NUP210L: variants seen among roughly 807,000 people sequenced by gnomAD.
The protein encoded by NUP210L is nucleoporin 210 like.
NUP210L carries 74 observed loss-of-function variants against 208.5 expected under a neutral mutation model. The ratio of observed to expected loss-of-function variants is 0.35; its 90% CI spans 0.29 to 0.43. The LOEUF (loss-of-function observed/expected upper bound fraction) is 0.43. Ranked by LOEUF, NUP210L falls within the 20% of genes least tolerant of loss-of-function variation. The probability of loss-of-function intolerance (pLI) is 1.00; values close to 1 mark genes in which losing one functional copy is unlikely to be tolerated. For synonymous variants in NUP210L, 780 were observed against 816.9 expected (o/e 0.95, Z 0.77); for missense variants, 1,843 against 2,289.4 (o/e 0.81, Z 3.98).
rs1571321343 is a variant in NUP210L, at chr1:154,140,023, C to T, written c.567-71G>A. On this transcript the variant is annotated intron_variant, in intron 4 of 39. Coordinates refer to ENST00000368559, the Ensembl canonical transcript of NUP210L. The stretch of plus-strand genomic sequence containing the variant: ...GGTTCTTCCAAAAGTCCCTAAGAGA[C>T]TTTAAACATAGTTTCTTCAATGTCT... 1.1e-5 allele frequency: 13 copies of T among 1,206,540 alleles called. No individual in the cohort carries two copies. In the East Asian group the frequency reaches 2.8e-4, roughly 26 times the overall value. The allele number at this position is 1,206,540 out of a possible 1,614,324, so 74.7% of individuals were successfully genotyped here.
intron 32 of NUP210L, among the ~76,000 whole-genome samples, chr1:154,020,258 T>G (rs12048137): frequency 0.28 from 41,855 of 152,196 alleles, 6,035 homozygotes; most frequent in Admixed American, 0.38. Context: ...CTACAAGCAG[T>G]TCTTACTTGG....
chr1:154,052,317 G>A (rs988745078), intron 25 of NUP210L, among the ~76,000 whole-genome samples: 4 of 152,188 alleles, frequency 2.6e-5, no homozygotes, highest in Non-Finnish European at 4.4e-5. Flanking sequence ...GCCAGATGCT[G>A]AAGAAGAGAT....
chr1:154,087,273 T>C (rs992500686), intron 16 of NUP210L, among the ~76,000 whole-genome samples: 2 of 147,782 alleles, frequency 1.4e-5, no homozygotes, highest in African/African-American at 5.1e-5. Context: ...TGAGCTGAGA[T>C]TGCACCACTT....
At chr1:154,062,607 G>T (rs1654202056) in intron 17 of NUP210L, among the ~76,000 whole-genome samples, 1 of 94,880 alleles carries the variant, frequency 1.1e-5, no homozygotes. Flanking sequence ...GTGTGTGTGT[G>T]TGACAGGGTC....
chr1:153,997,269 T>G (rs1649943625), intron 37 of NUP210L, among the ~76,000 whole-genome samples: 1 of 151,734 alleles, frequency 6.6e-6, no homozygotes, highest in East Asian at 1.9e-4. Flanking sequence ...GGCCTTTTTT[T>G]TTTTTTTAAC....
intron 35 of NUP210L, 100 bp downstream of exon 35, chr1:154,009,872 C>A: frequency 3.3e-6 from 3 of 903,732 alleles, no homozygotes; most frequent in Non-Finnish European, 4.8e-6. Context: ...AGTTATATAT[C>A]AGATGAAACT....
chr1:154,012,410 A>G (rs1317369222), intron 33 of NUP210L, 40 bp from the exon 34 acceptor site: 1 of 1,598,616 alleles, frequency 6.3e-7, no homozygotes, highest in South Asian at 1.1e-5. Flanking sequence ...CTAAGTTCCT[A>G]GAGAATCTGA....
chr1:154,075,249 T>C (rs1216824647), intron 16 of NUP210L, among the ~76,000 whole-genome samples: 1 of 152,180 alleles, frequency 6.6e-6, no homozygotes, highest in African/African-American at 2.4e-5. Flanking sequence ...TAAAAAAGTA[T>C]GAGTTGTACA....
intron 27 of NUP210L, among the ~76,000 whole-genome samples, chr1:154,042,263 C>T (rs1489957005): frequency 6.6e-6 from 1 of 152,068 alleles, no homozygotes; most frequent in African/African-American, 2.4e-5. Context: ...CTATGCCTGG[C>T]TAATCTCATG....
At chr1:154,022,085 A>G in intron 32 of NUP210L, 41 bp downstream of exon 32, 1 of 1,491,362 alleles carries the variant, frequency 6.7e-7, no homozygotes, top group South Asian at 1.1e-5. Flanking sequence ...TAATCCCCAC[A>G]ACTATCAATT....
chr1:154,078,079 C>A (rs370907943), intron 16 of NUP210L, among the ~76,000 whole-genome samples: 9 of 150,308 alleles, frequency 6.0e-5, no homozygotes, highest in African/African-American at 2.0e-4. Context: ...TCGAGGTGGG[C>A]GGATCGCTTG....
At chr1:154,027,097 C>CAAAAAAAAAAAAA (rs770084247) in intron 29 of NUP210L, among the ~76,000 whole-genome samples, 1 of 108,880 alleles carries the variant, frequency 9.2e-6, no homozygotes, top group South Asian at 2.7e-4. Flanking sequence ...AAAAAAAAAA[C>CAAAAAAAAAAAAA]AAAAAAAAAA....
At chr1:154,011,227 T>C (rs1173209892) in intron 34 of NUP210L, among the ~76,000 whole-genome samples, 3 of 150,964 alleles carry the variant, frequency 2.0e-5, no homozygotes, top group Non-Finnish European at 4.4e-5. Flanking sequence ...GGCTAGATTT[T>C]TTTTTTTTTT....
intron 27 of NUP210L, among the ~76,000 whole-genome samples, chr1:154,044,052 A>C (rs1274955248): frequency 6.6e-6 from 1 of 152,212 alleles, no homozygotes; most frequent in African/African-American, 2.4e-5. Flanking sequence ...GAAAGGGAGA[A>C]GTAGAATAGA....
intron 2 of NUP210L, among the ~76,000 whole-genome samples, chr1:154,149,739 A>T (rs1659292908): frequency 6.6e-6 from 1 of 152,172 alleles, no homozygotes; most frequent in Non-Finnish European, 1.5e-5. Flanking sequence ...AAATAAATGA[A>T]ATTATTTTGG....
chr1:154,138,087 A>G lies in NUP210L; in HGVS notation c.850+19T>C. ...ATTTGGGAAATGTGAGTCATAGGAGAAAAAATAAATCACCTTACCTGTCAC... is the reference window on the plus strand; with the variant it reads ...ATTTGGGAAATGTGAGTCATAGGAGGAAAAATAAATCACCTTACCTGTCAC... On this transcript the variant is annotated intron_variant, in intron 6 of 39. Transcript: ENST00000368559. 1.4e-6 allele frequency: 2 copies of G among 1,461,130 alleles called. No homozygotes were observed. The highest frequency in any genetic ancestry group is 1.8e-6 in the Non-Finnish European group (2 of 1,108,588). The allele number at this position is 1,461,130 out of a possible 1,614,324, so 90.5% of individuals were successfully genotyped here.
rs547737799 is a variant in NUP210L at position 154,059,493 on chromosome 1, C to G, written c.2851-800G>C. On this transcript the variant is annotated intron_variant, in intron 20 of 39. Transcript: ENST00000368559. ...TGAGCAACAGAGTGAGACCCTATTT[C>G]TACTGAACAAAACGAAACAAAAACA... Among the ~76,000 whole-genome samples the G allele has an allele frequency of 2.0e-5, 3 of 152,226 alleles. No homozygotes were observed. In the South Asian group the frequency reaches 6.2e-4, roughly 32 times the overall value.
chr1:154,137,500 G>A (rs1013186084), intron 6 of NUP210L, among the ~76,000 whole-genome samples: 20 of 151,206 alleles, frequency 1.3e-4, no homozygotes, highest in Admixed American at 8.6e-4. Flanking sequence ...GCAGTGAGCC[G>A]AGATCATGCC....
chr1:154,126,127 G>T (rs1436266089), intron 10 of NUP210L, among the ~76,000 whole-genome samples, 196 bp downstream of exon 10: 1 of 152,052 alleles, frequency 6.6e-6, no homozygotes, highest in African/African-American at 2.4e-5. Flanking sequence ...GACCGCAAAT[G>T]CAGATATTTT....
Sources: gnomAD v4.1 joint callset for allele counts (sites outside exome capture counted in the v4.1 genomes callset) on GRCh38, gnomAD v4.1.1 for gene constraint, MANE v1.5 for transcripts, NCBI Gene and HGNC (gene_info 2026-07-23, HGNC 2026-07-21) for gene names.